Variants in RORA observed in about 807,000 individuals in gnomAD.
RORA encodes the protein RAR related orphan receptor A, also known as nuclear receptor ROR-alpha.
Under a neutral mutation model 69.5 loss-of-function variants are expected in RORA, and 7 were observed. The observed-to-expected ratio is 0.10, with a 90% CI of 0.06 to 0.19. The LOEUF is 0.19. Ranked by LOEUF, RORA falls within the 10% of genes least tolerant of loss-of-function variation. RORA has a pLI of 1.00. For synonymous variants in RORA, 261 were observed against 240.8 expected (o/e 1.08, Z -0.78); for missense variants, 457 against 663.0 (o/e 0.69, Z 3.41).
At chr15:60,548,038 T>G in intron 2 of RORA, 2 of 152,204 alleles carry the variant, frequency 1.3e-5, no homozygotes, top group South Asian at 4.1e-4. Context: ...AATTCTGATT[T>G]CATTACCCAT....
chr15:60,641,497 C>T (rs1188522529), intron 2 of RORA, among the ~76,000 whole-genome samples: 9 of 151,964 alleles, frequency 5.9e-5, no homozygotes, highest in Admixed American at 2.0e-4. Context: ...GCAACCTCCG[C>T]GTCCTGGGTT....
intron 1 of RORA, among the ~76,000 whole-genome samples, chr15:60,748,670 G>A (rs563238947): frequency 3.3e-5 from 5 of 152,116 alleles, no homozygotes; most frequent in Non-Finnish European, 5.9e-5. Flanking sequence ...AGGCCTCCCA[G>A]GTCTCAGCCT....
chr15:60,763,661 T>A (rs779001675), intron 1 of RORA, among the ~76,000 whole-genome samples: 39 of 152,106 alleles, frequency 2.6e-4, no homozygotes, highest in Non-Finnish European at 4.7e-4. Context: ...TGGGAAAATA[T>A]GCCAGGGGGG....
chr15:60,889,249 G>C (rs923993732), intron 1 of RORA, among the ~76,000 whole-genome samples: 6 of 152,128 alleles, frequency 3.9e-5, no homozygotes, highest in African/African-American at 1.4e-4. Context: ...CACAGAGAGG[G>C]GGTTCACTCA....
chr15:60,719,557 G>A (rs1000534817), intron 1 of RORA, among the ~76,000 whole-genome samples: 4 of 152,284 alleles, frequency 2.6e-5, no homozygotes, highest in East Asian at 1.9e-4. Flanking sequence ...GCAAAAACCC[G>A]AGAGCAGTAA....
intron 1 of RORA, among the ~76,000 whole-genome samples, chr15:60,704,000 G>C (rs566831559): frequency 1.3e-5 from 2 of 152,218 alleles, no homozygotes; most frequent in African/African-American, 2.4e-5. Context: ...GTTATAGTGA[G>C]TATTGTTTTA....
intron 1 of RORA, among the ~76,000 whole-genome samples, chr15:60,921,074 G>A (rs912697420): frequency 6.6e-6 from 1 of 152,168 alleles, no homozygotes; most frequent in African/African-American, 2.4e-5. Flanking sequence ...ATCACATAAA[G>A]TGGTTAATTT....
At chr15:60,943,346 T>C (rs1236461400) in intron 1 of RORA, among the ~76,000 whole-genome samples, 1 of 152,030 alleles carries the variant, frequency 6.6e-6, no homozygotes, top group African/African-American at 2.4e-5. Flanking sequence ...CTTAGGAACG[T>C]CAATTCTGAT....
At chr15:60,738,198 G>A (rs1046063190) in intron 1 of RORA, among the ~76,000 whole-genome samples, 5 of 152,274 alleles carry the variant, frequency 3.3e-5, no homozygotes, top group Admixed American at 1.3e-4. Flanking sequence ...GCCAAACATC[G>A]ACAATGTACC....
At chr15:60,577,107 T>C (rs1321091955) in intron 2 of RORA, among the ~76,000 whole-genome samples, 1 of 152,212 alleles carries the variant, frequency 6.6e-6, no homozygotes. Flanking sequence ...GGTCTTCCAC[T>C]GTTATGAAAG....
In RORA at chr15:61,046,928, T is replaced by G. The variant is rs1004918638; in HGVS notation, c.166+182125A>C. 3.7e-4 allele frequency among the ~76,000 whole-genome samples: 57 copies of G among 152,324 alleles called. 1 individual carries two copies. The highest frequency in any genetic ancestry group is 1.2e-3 in the African/African-American group (51 of 41,570). ...ACAGCATACTTTGTCAAAGTGGAATTGATATTTGCAAGCTCAAGGCCCTTC... is the reference window on the plus strand; with the variant it reads ...ACAGCATACTTTGTCAAAGTGGAATGGATATTTGCAAGCTCAAGGCCCTTC... On this transcript the variant is annotated intron_variant, in intron 1 of 10. Transcript: ENST00000335670.
intron 2 of RORA, among the ~76,000 whole-genome samples, chr15:60,583,515 C>G (rs894325187): frequency 5.9e-5 from 9 of 152,182 alleles, no homozygotes; most frequent in African/African-American, 2.2e-4. Flanking sequence ...TACATTGTGT[C>G]TATGTCACAT....
chr15:60,559,390 A>C (rs2067467455), intron 2 of RORA, among the ~76,000 whole-genome samples: 2 of 152,176 alleles, frequency 1.3e-5, no homozygotes, highest in Non-Finnish European at 2.9e-5. Context: ...TCTTAGAATT[A>C]GCTATGTCTT....
chr15:60,682,808 T>G (rs983721456), intron 1 of RORA, among the ~76,000 whole-genome samples: 3 of 152,122 alleles, frequency 2.0e-5, no homozygotes, highest in Non-Finnish European at 2.9e-5. Flanking sequence ...TCCCCAGAGA[T>G]TCACAAACAG....
intron 2 of RORA, among the ~76,000 whole-genome samples, chr15:60,640,055 C>G (rs1364649066): frequency 6.6e-6 from 1 of 152,086 alleles, no homozygotes; most frequent in Non-Finnish European, 1.5e-5. Flanking sequence ...TATCACTTAC[C>G]CTTTGTTTGA....
rs1442768305 is a variant in RORA, at chr15:60,715,574, A to C, written c.167-36888T>G. ...TTCCTGAAGGTTTGCATTCACAAAA[A>C]TTGCACAAATTGTTCTGCACATTGA... On this transcript the variant is annotated intron_variant, in intron 1 of 10. Transcript: ENST00000335670. Among the ~76,000 whole-genome samples, 4 of 152,216 alleles carry C rather than the reference A, an allele frequency of 2.6e-5. No homozygotes were observed. In the East Asian group the frequency reaches 5.8e-4, roughly 22 times the overall value.
intron 1 of RORA, among the ~76,000 whole-genome samples, chr15:61,008,996 C>A (rs1895004981): frequency 6.6e-6 from 1 of 152,156 alleles, no homozygotes; most frequent in Non-Finnish European, 1.5e-5. Flanking sequence ...AACATCCTAT[C>A]AGAGTCTCGG....
intron 1 of RORA, among the ~76,000 whole-genome samples, chr15:60,863,793 C>T (rs1242642787): frequency 5.7e-5 from 8 of 139,210 alleles, no homozygotes; most frequent in African/African-American, 7.8e-5. Context: ...ATTATGCATG[C>T]CAACTGTCAG....
At chr15:60,816,177 T>C (rs1327077416) in intron 1 of RORA, among the ~76,000 whole-genome samples, 5 of 45,982 alleles carry the variant, frequency 1.1e-4, no homozygotes, top group African/African-American at 4.8e-4. Context: ...GTAAACAGTA[T>C]ATGTATTTAT....
Sources: gnomAD v4.1 joint callset for allele counts (sites outside exome capture counted in the v4.1 genomes callset) on GRCh38, gnomAD v4.1.1 for gene constraint, MANE v1.5 for transcripts, NCBI Gene and HGNC (gene_info 2026-07-23, HGNC 2026-07-21) for gene names.